Variants in ADAM23 observed in about 807,000 individuals in gnomAD.
ADAM23 encodes the protein disintegrin and metalloproteinase domain-containing protein 23.
ADAM23 carries 33 observed loss-of-function variants against 120.1 expected under a neutral mutation model. That is an observed-to-expected ratio of 0.27 (90% CI 0.21 to 0.37). ADAM23 has a LOEUF of 0.37. Among genes scored for constraint, ADAM23 ranks in the 10% least tolerant of loss-of-function variants. ADAM23 has a pLI of 1.00. For synonymous variants in ADAM23, 367 were observed against 375.2 expected (o/e 0.98, Z 0.25); for missense variants, 862 against 1,058.2 (o/e 0.81, Z 2.57).
chr2:206,597,460 C>G (rs1251466196), intron 24 of ADAM23, among the ~76,000 whole-genome samples: 1 of 152,160 alleles, frequency 6.6e-6, no homozygotes, highest in African/African-American at 2.4e-5. Flanking sequence ...GCTACCGCGC[C>G]TGGCCTCTTA....
At chr2:206,467,676 C>G (rs1559220308) in intron 2 of ADAM23, among the ~76,000 whole-genome samples, 1 of 152,158 alleles carries the variant, frequency 6.6e-6, no homozygotes, top group South Asian at 2.1e-4. Context: ...GATGGTGACC[C>G]CTTCTCACAG....
chr2:206,613,563 C>T (rs377397400), intron 25 of ADAM23, among the ~76,000 whole-genome samples: 13 of 152,162 alleles, frequency 8.5e-5, no homozygotes, highest in Admixed American at 3.9e-4. Flanking sequence ...CCATCACCCA[C>T]ACACAAGAAT....
intron 2 of ADAM23, among the ~76,000 whole-genome samples, chr2:206,479,587 G>A (rs1415707473): frequency 6.6e-6 from 1 of 152,040 alleles, no homozygotes; most frequent in East Asian, 1.9e-4. Context: ...ATGCTTCAAG[G>A]TACAGAATGA....
At chr2:206,474,773 C>G (rs578081970) in intron 2 of ADAM23, among the ~76,000 whole-genome samples, 1 of 152,230 alleles carries the variant, frequency 6.6e-6, no homozygotes, top group Admixed American at 6.5e-5. Flanking sequence ...CAGGGTTTCA[C>G]CATGTTGCCC....
intron 2 of ADAM23, among the ~76,000 whole-genome samples, chr2:206,448,819 A>G (rs1695134658): frequency 6.6e-6 from 1 of 152,224 alleles, no homozygotes; most frequent in African/African-American, 2.4e-5. Context: ...TGTCTCTTCC[A>G]TCTGGCTCTT....
intron 3 of ADAM23, among the ~76,000 whole-genome samples, chr2:206,509,255 A>G (rs1696570850): frequency 6.6e-6 from 1 of 152,208 alleles, no homozygotes; most frequent in Admixed American, 6.5e-5. Context: ...ACAGATTCGT[A>G]TTCAGAAGTA....
chr2:206,525,084 A>G (rs1216507135), intron 3 of ADAM23, among the ~76,000 whole-genome samples: 1 of 152,204 alleles, frequency 6.6e-6, no homozygotes, highest in Non-Finnish European at 1.5e-5. Context: ...TTGTCCTGGC[A>G]CAATTATTAA....
chr2:206,546,085 AT>A (rs1697391132), intron 6 of ADAM23, among the ~76,000 whole-genome samples: 1 of 152,178 alleles, frequency 6.6e-6, no homozygotes, highest in South Asian at 2.1e-4. Flanking sequence ...TTGGTTTTGC[AT>A]TGTTTACTTG....
At position 206,620,161 on chromosome 2, in the gene ADAM23, A is replaced by G. The variant is rs1699027788; in HGVS notation, c.*2534A>G. On this transcript the variant is annotated 3_prime_UTR_variant, in exon 26 of 26. Transcript: ENST00000264377. The stretch of plus-strand genomic sequence containing the variant: ...CAAAATCATGTTGGTTACAAAACAA[A>G]TTAAATCTCTATTGTTAACTTTTAA... 6.6e-6 allele frequency: 1 copy of G among 152,196 alleles called. No individual in the cohort carries two copies. The highest frequency in any genetic ancestry group is 1.5e-5 in the Non-Finnish European group (1 of 68,032). The allele number at this position is 152,196 out of a possible 1,614,324, so 9.4% of individuals were successfully genotyped here. A position where few individuals can be genotyped will look rare whatever the true frequency, so the allele number is the denominator to read the frequency against.
rs74910575 is a variant in ADAM23, at chr2:206,553,811, G to T, written c.934-3616G>T. ...ATTTCTGAATATGTGGGGATTTGCT[G>T]CTGGGCTTTAGGATAATCATCTCAC... is the stretch of plus-strand genomic sequence containing the variant. On this transcript the variant is annotated intron_variant, in intron 9 of 25. Transcript: ENST00000264377. Among the ~76,000 whole-genome samples the T allele has an allele frequency of 2.4e-3, 358 of 152,252 alleles. 14 individuals are homozygous for T. In the East Asian group the frequency reaches 0.061, roughly 26 times the overall value.
At chr2:206,496,060 A>G (rs557760014) in intron 3 of ADAM23, among the ~76,000 whole-genome samples, 4 of 152,078 alleles carry the variant, frequency 2.6e-5, no homozygotes, top group African/African-American at 9.7e-5. Flanking sequence ...TGGGAGACTT[A>G]AACACCCCAC....
intron 8 of ADAM23, among the ~76,000 whole-genome samples, chr2:206,549,804 G>C (rs1697475698): frequency 6.6e-6 from 1 of 151,778 alleles, no homozygotes; most frequent in Admixed American, 6.6e-5. Context: ...TTTTTCTCTA[G>C]AATATTTTTA....
intron 2 of ADAM23, among the ~76,000 whole-genome samples, chr2:206,473,724 C>T (rs534742711): frequency 2.6e-5 from 4 of 151,908 alleles, no homozygotes; most frequent in East Asian, 1.9e-4. Flanking sequence ...TGTTAATTCT[C>T]GGCCAGGCAT....
chr2:206,578,413 A>G (rs1282287211), intron 18 of ADAM23, among the ~76,000 whole-genome samples: 2 of 150,210 alleles, frequency 1.3e-5, no homozygotes, highest in Non-Finnish European at 3.0e-5. Context: ...TTGCGTCACT[A>G]CTTAGCTACC....
intron 9 of ADAM23, 40 bp from the exon 10 acceptor site, chr2:206,557,387 C>T: frequency 6.8e-7 from 1 of 1,469,142 alleles, no homozygotes; most frequent in South Asian, 1.1e-5. Context: ...TTATTATTCA[C>T]TTATGATTTG....
chr2:206,565,086 G>A lies in ADAM23; in HGVS notation c.1394+18G>A, dbSNP rs113735635. ...GAAACAGGGTAAATTTTCATTATGC[G>A]TGCATTTGATATATGCCTTTTGCTA... On this transcript the variant is annotated intron_variant, in intron 14 of 25. Coordinates refer to ENST00000264377, the MANE Select transcript of ADAM23 (RefSeq NM_003812.4). The A allele has an allele frequency of 5.9e-5, 95 of 1,613,444 alleles. No homozygotes were observed. Among genetic ancestry groups the A allele is most frequent in the African/African-American group, 2.4e-4 (18 of 75,010 alleles).
At chr2:206,460,360 A>G (rs1344432807) in intron 2 of ADAM23, among the ~76,000 whole-genome samples, 2 of 152,212 alleles carry the variant, frequency 1.3e-5, no homozygotes, top group African/African-American at 2.4e-5. Flanking sequence ...AAGGGTTCCA[A>G]TTCTCCACAT....
intron 18 of ADAM23, among the ~76,000 whole-genome samples, chr2:206,582,650 T>A (rs1412360071): frequency 1.3e-5 from 2 of 152,216 alleles, no homozygotes; most frequent in Non-Finnish European, 2.9e-5. Context: ...GTTTTATAGA[T>A]CCTGTGTGAT....
chr2:206,451,711 T>C (rs1300676289), intron 2 of ADAM23, among the ~76,000 whole-genome samples: 1 of 152,226 alleles, frequency 6.6e-6, no homozygotes, highest in Non-Finnish European at 1.5e-5. Context: ...GTCTTCCCTT[T>C]GCAGAGCTCA....
Sources: allele counts gnomAD v4.1 joint callset (sites outside exome capture counted in the v4.1 genomes callset), GRCh38; gene constraint gnomAD v4.1.1; transcripts MANE v1.5; gene names NCBI Gene and HGNC (gene_info 2026-07-23, HGNC 2026-07-21).